The following ATP6V1E2 variants were observed in gnomAD, a reference collection of about 807,000 sequenced individuals.
The protein encoded by ATP6V1E2 is ATPase H+ transporting V1 subunit E2, also known as V-type proton ATPase subunit E 2.
For synonymous variants in ATP6V1E2, 121 were observed against 104.2 expected, an observed-to-expected ratio of 1.16 and a Z score of -0.98; for missense variants, 308 against 273.3, an observed-to-expected ratio of 1.13 and a Z score of -0.90.
At chr2:46,533,475 T>C (rs1382528927) in intron 4 of ATP6V1E2, among the ~76,000 whole-genome samples, 3 of 152,120 alleles carry the variant, frequency 2.0e-5, no homozygotes, top group Non-Finnish European at 4.4e-5. Flanking sequence ...GGTTTTGCCA[T>C]GTTGCCTAGG....
At chr2:46,518,808 GTGTTT>G (rs1288760477) in intron 4 of ATP6V1E2, 1 of 126,292 alleles carries the variant, frequency 7.9e-6, no homozygotes, top group African/African-American at 3.0e-5. Flanking sequence ...GTGTGTGTGT[GTGTTT>G]TAAGGCTCCC....
At chr2:46,523,622 T>C (rs1464286680) in intron 4 of ATP6V1E2, among the ~76,000 whole-genome samples, 1 of 152,240 alleles carries the variant, frequency 6.6e-6, no homozygotes, top group African/African-American at 2.4e-5. Flanking sequence ...CATGCCGTTT[T>C]GGTTACTGTA....
intron 4 of ATP6V1E2, among the ~76,000 whole-genome samples, chr2:46,526,539 C>T (rs866974242): frequency 6.6e-6 from 1 of 152,240 alleles, no homozygotes; most frequent in Admixed American, 6.5e-5. Context: ...ACTAATCCCA[C>T]ATACTCTTCC....
chr2:46,513,791 C>T (rs1687586834), intron 4 of ATP6V1E2, among the ~76,000 whole-genome samples: 1 of 151,688 alleles, frequency 6.6e-6, no homozygotes, highest in Non-Finnish European at 1.5e-5. Context: ...CGCCACTGTA[C>T]TTGAGCCTGA....
intron 4 of ATP6V1E2, among the ~76,000 whole-genome samples, chr2:46,522,547 C>T (rs1014447879): frequency 6.6e-6 from 1 of 152,148 alleles, no homozygotes; most frequent in Non-Finnish European, 1.5e-5. Flanking sequence ...CAGCTTCATC[C>T]ATGCCCCTGT....
chr2:46,537,871 G>T (rs1227894134), intron 2 of ATP6V1E2, among the ~76,000 whole-genome samples: 2 of 152,084 alleles, frequency 1.3e-5, no homozygotes, highest in Non-Finnish European at 2.9e-5. Context: ...GCTTGATTTA[G>T]ACAGTCAGTT....
At chr2:46,534,358 T>C (rs1221122292) in intron 4 of ATP6V1E2, 1 of 152,220 alleles carries the variant, frequency 6.6e-6, no homozygotes, top group Non-Finnish European at 1.5e-5. Context: ...ATTACAGGTG[T>C]TGTATTTTTT....
chr2:46,533,480 C>CCTAGG (rs776649038), intron 4 of ATP6V1E2, among the ~76,000 whole-genome samples: 21 of 151,980 alleles, frequency 1.4e-4, no homozygotes, highest in Admixed American at 8.5e-4. Flanking sequence ...TGCCATGTTG[C>CCTAGG]CTAGGCTGGT....
rs1667829659 is a variant in ATP6V1E2, at chr2:46,542,398, T to G, written c.-555A>C. Reference sequence around the variant, plus strand: ...ACGTCTTCTCCCAGCATCGGGGCCTTTGGACGCTTCCGGGCGCTGCGGGCA... The same window carrying G: ...ACGTCTTCTCCCAGCATCGGGGCCTGTGGACGCTTCCGGGCGCTGCGGGCA... On this transcript the variant is annotated 5_prime_UTR_variant, in exon 1 of 5. Transcript: ENST00000522587. The G allele has an allele frequency of 6.6e-6, 1 of 151,376 alleles. No homozygotes were observed. The highest frequency in any genetic ancestry group is 1.5e-5 in the Non-Finnish European group (1 of 67,870). The allele number at this position is 151,376 out of a possible 1,614,324, so 9.4% of individuals were successfully genotyped here. A position where few individuals can be genotyped will look rare whatever the true frequency, so the allele number is the denominator to read the frequency against.
At chr2:46,536,559 A>T (rs187033440) in intron 3 of ATP6V1E2, 52 bp downstream of exon 3, 4 of 152,480 alleles carry the variant, frequency 2.6e-5, no homozygotes, top group Admixed American at 2.6e-4. Context: ...AGCATAACAT[A>T]ACAGCAGGGC....
intron 2 of ATP6V1E2, among the ~76,000 whole-genome samples, chr2:46,539,242 A>G (rs934495434): frequency 6.6e-6 from 1 of 152,246 alleles, no homozygotes; most frequent in Non-Finnish European, 1.5e-5. Context: ...ACCCGGGACC[A>G]TAACTGGATA....
intron 4 of ATP6V1E2, among the ~76,000 whole-genome samples, chr2:46,528,919 A>G (rs907578635): frequency 6.6e-6 from 1 of 152,178 alleles, no homozygotes; most frequent in African/African-American, 2.4e-5. Flanking sequence ...TTCCCTGCCC[A>G]TGGGTTCCCA....
chr2:46,524,349 A>G (rs1048665647), intron 4 of ATP6V1E2, among the ~76,000 whole-genome samples: 2 of 152,180 alleles, frequency 1.3e-5, no homozygotes, highest in Non-Finnish European at 2.9e-5. Flanking sequence ...CAATTTCGGA[A>G]AACTCAGACA....
chr2:46,539,466 T>A (rs1667609896), intron 2 of ATP6V1E2, among the ~76,000 whole-genome samples: 1 of 152,252 alleles, frequency 6.6e-6, no homozygotes, highest in Non-Finnish European at 1.5e-5. Flanking sequence ...GAACGCAGCC[T>A]TGAGCTGGGA....
In ATP6V1E2 at chr2:46,542,474, C is replaced by G. The variant is rs936627228; in HGVS notation, c.-631G>C. 4 of 150,774 alleles carry G rather than the reference C, an allele frequency of 2.7e-5. No homozygotes were observed. Among genetic ancestry groups the G allele is most frequent in the Non-Finnish European group, 4.4e-5 (3 of 67,728 alleles). The allele number at this position is 150,774 out of a possible 1,614,324, so 9.3% of individuals were successfully genotyped here. A position where few individuals can be genotyped will look rare whatever the true frequency, so the allele number is the denominator to read the frequency against. ...CAGGCGACTCCCCTCCTCCCCTCCGCGGTCCTCGGCTCCTCCTCCTCCTGC... is the reference window on the plus strand; with the variant it reads ...CAGGCGACTCCCCTCCTCCCCTCCGGGGTCCTCGGCTCCTCCTCCTCCTGC... On this transcript the variant is annotated 5_prime_UTR_variant, in exon 1 of 5. Transcript: ENST00000522587.
Position 46,522,118 on chromosome 2 carries a change from T to G in ATP6V1E2, c.-101-9306A>C, listed in dbSNP as rs114572459. Among the ~76,000 whole-genome samples, 630 of 151,898 alleles carry G rather than the reference T, an allele frequency of 4.1e-3. 3 individuals carry two copies. Among genetic ancestry groups the G allele is most frequent in the African/African-American group, 0.015 (603 of 41,422 alleles). The stretch of plus-strand genomic sequence containing the variant: ...CAGTGGGCATCACAGTGGGACCACA[T>G]CTCTACAAATTTTTTTTTTTAATTA... On this transcript the variant is annotated intron_variant, in intron 4 of 4. Coordinates refer to ENST00000522587, the MANE Select transcript of ATP6V1E2 (RefSeq NM_001318063.2).
At chr2:46,539,688 C>T (rs1312558052) in intron 2 of ATP6V1E2, among the ~76,000 whole-genome samples, 1 of 152,248 alleles carries the variant, frequency 6.6e-6, no homozygotes, top group Non-Finnish European at 1.5e-5. Context: ...GCACTCTGTC[C>T]ACCTTACATG....
intron 4 of ATP6V1E2, among the ~76,000 whole-genome samples, chr2:46,522,633 A>G (rs140802540): frequency 3.0e-4 from 45 of 152,222 alleles, no homozygotes; most frequent in African/African-American, 9.9e-4. Flanking sequence ...TCTTTATCCA[A>G]TCTATCACTG....
Position 46,525,039 on chromosome 2 carries a change from C to G in ATP6V1E2, c.-102+10774G>C, listed in dbSNP as rs117813469. On this transcript the variant is annotated intron_variant, in intron 4 of 4. Transcript: ENST00000522587. Reference sequence around the variant, plus strand: ...CCAAAAGCCAGAGGGAGCCTGTACACAGCGAGGGCCAGGACACAAGACAAG... The same window carrying G: ...CCAAAAGCCAGAGGGAGCCTGTACAGAGCGAGGGCCAGGACACAAGACAAG... Among the ~76,000 whole-genome samples the G allele has an allele frequency of 8.1e-4, 123 of 152,246 alleles. 4 individuals carry two copies. In the East Asian group the frequency reaches 0.016, roughly 20 times the overall value.
Sources: gnomAD v4.1 joint callset for allele counts (sites outside exome capture counted in the v4.1 genomes callset) on GRCh38, gnomAD v4.1.1 for gene constraint, MANE v1.5 for transcripts, NCBI Gene and HGNC (gene_info 2026-07-23, HGNC 2026-07-21) for gene names.